DRC4: variants seen among roughly 807,000 people sequenced by gnomAD.
DRC4 encodes the protein GAS-11.
At chr16:90,034,464 A>T in the DRC4 span, among the ~76,000 whole-genome samples, 6 of 152,106 alleles carry the variant, frequency 3.9e-5, no homozygotes, top group Non-Finnish European at 8.8e-5. Flanking sequence ...TCTACTAAAA[A>T]TACAAAAATT....
At chr16:90,023,860 C>T in the DRC4 span, among the ~76,000 whole-genome samples, 19 of 148,680 alleles carry the variant, frequency 1.3e-4, no homozygotes, top group Non-Finnish European at 2.3e-4. Flanking sequence ...GGTGTGGTGG[C>T]GTGTGCCTGT....
chr16:90,042,786 T>G, the DRC4 span: 4 of 538,822 alleles, frequency 7.4e-6, no homozygotes, highest in Non-Finnish European at 1.3e-5. Flanking sequence ...GACGCTTCCC[T>G]GGTCAGCCCC....
chr16:90,024,123 T>TACACACACACACACACACACAC, the DRC4 span, among the ~76,000 whole-genome samples: 167 of 139,454 alleles, frequency 1.2e-3, 2 homozygotes, highest in East Asian at 3.6e-3. Context: ...TTACTAAAAA[T>TACACACACACACACACACACAC]ACACACACAC....
chr16:90,040,138 C>T, the DRC4 span: 13 of 679,496 alleles, frequency 1.9e-5, no homozygotes, highest in East Asian at 2.2e-4. Flanking sequence ...AGGGCCAGGG[C>T]GCAGGCAGTG....
At chr16:90,035,975 C>T in the DRC4 span, 1 of 1,279,402 alleles carries the variant, frequency 7.8e-7, no homozygotes, top group South Asian at 1.6e-5. Flanking sequence ...CCGTGGGCAG[C>T]CTTCTTAAAA....
the DRC4 span, among the ~76,000 whole-genome samples, chr16:90,040,774 C>T: frequency 3.3e-5 from 5 of 151,206 alleles, no homozygotes; most frequent in South Asian, 2.1e-4. Flanking sequence ...AGAATGGGGA[C>T]GGGCAGAGGG....
the DRC4 span, among the ~76,000 whole-genome samples, chr16:90,041,539 C>T: frequency 6.6e-6 from 1 of 152,188 alleles, no homozygotes; most frequent in African/African-American, 2.4e-5. Context: ...GGCGCGGTGG[C>T]TCACGCCTGT....
chr16:90,027,662 C>G, the DRC4 span: 1 of 1,614,044 alleles, frequency 6.2e-7, no homozygotes, highest in Non-Finnish European at 8.5e-7. Flanking sequence ...GGAAGAAAGG[C>G]AAAGCCAAAG....
At chr16:90,025,020 T>C in the DRC4 span, among the ~76,000 whole-genome samples, 249 of 143,158 alleles carry the variant, frequency 1.7e-3, 1 homozygote, top group South Asian at 0.016. Flanking sequence ...TCTCTCTCTT[T>C]TTTTTTTTTT....
chr16:90,026,939 G>A, the DRC4 span, among the ~76,000 whole-genome samples: 1 of 150,568 alleles, frequency 6.6e-6, no homozygotes, highest in Non-Finnish European at 1.5e-5. Flanking sequence ...TTGAGATGGA[G>A]TCTCACTTTG....
the DRC4 span, among the ~76,000 whole-genome samples, chr16:90,038,266 GTT>G: frequency 1.3e-5 from 2 of 152,206 alleles, no homozygotes; most frequent in African/African-American, 4.8e-5. Context: ...ACACTGGCGA[GTT>G]TTATGGGCTC....
the DRC4 span, chr16:90,044,479 C>A: frequency 4.2e-6 from 2 of 470,828 alleles, no homozygotes. Flanking sequence ...CCTCAGCCCC[C>A]TCCAGCCCAC....
chr16:90,037,956 C>T, the DRC4 span: 4 of 966,482 alleles, frequency 4.1e-6, no homozygotes, highest in Non-Finnish European at 6.7e-6. Context: ...GTGGGGATGG[C>T]ACCCCTGCTA....
chr16:90,041,109 T>A, the DRC4 span, among the ~76,000 whole-genome samples: 111 of 152,304 alleles, frequency 7.3e-4, 1 homozygote, highest in Middle Eastern at 3.4e-3. Flanking sequence ...AGCTCCTGGC[T>A]GAGGGCTGCA....
the DRC4 span, among the ~76,000 whole-genome samples, chr16:90,030,726 C>G: frequency 6.6e-5 from 10 of 152,212 alleles, no homozygotes; most frequent in South Asian, 2.1e-3. Flanking sequence ...GAGTGACCCT[C>G]CCACCTCAGC....
the DRC4 span, chr16:90,042,863 G>C: frequency 6.0e-6 from 3 of 502,524 alleles, no homozygotes; most frequent in East Asian, 1.0e-4. Context: ...CATTCAACAG[G>C]GGAAGGGAGG....
the DRC4 span, among the ~76,000 whole-genome samples, chr16:90,021,235 T>C: frequency 1.3e-5 from 2 of 152,202 alleles, no homozygotes; most frequent in African/African-American, 4.8e-5. Context: ...TGTGGGTGCC[T>C]GAGGCCTGAG....
chr16:90,036,982 A>G, the DRC4 span: 2 of 567,562 alleles, frequency 3.5e-6, no homozygotes, highest in South Asian at 2.1e-5. Context: ...ACAGTAGACA[A>G]CGGCCCTTGG....
At chr16:90,036,608 G>C in the DRC4 span, 1 of 1,554,294 alleles carries the variant, frequency 6.4e-7, no homozygotes, top group Non-Finnish European at 8.7e-7. Context: ...GGGCTGGGCT[G>C]GGGAGGCACA....
Sources: gnomAD v4.1 joint callset for allele counts (sites outside exome capture counted in the v4.1 genomes callset) on GRCh38, gnomAD v4.1.1 for gene constraint, MANE v1.5 for transcripts, NCBI Gene and HGNC (gene_info 2026-07-23, HGNC 2026-07-21) for gene names.